Variants in CDH23 observed in about 807,000 individuals in gnomAD.
CDH23 encodes cadherin-23.
CDH23 carries 189 observed loss-of-function variants against 317.1 expected under a neutral mutation model. The observed-to-expected ratio is 0.60, with a 90% CI of 0.53 to 0.67. The LOEUF is 0.67. Ranked by LOEUF, CDH23 falls within the 30% of genes least tolerant of loss-of-function variation. The pLI is 0.00. For missense variants in CDH23, 4,401 were observed against 4,592.4 expected (o/e 0.96, Z 1.20); for synonymous variants, 1,839 against 1,876.8 (o/e 0.98, Z 0.52).
rs2133017450 is a variant in CDH23, at chr10:71,815,104, C to G, written c.9891C>G (p.Leu3297=). The G allele has an allele frequency of 6.2e-7, 1 of 1,611,212 alleles. No individual in the cohort carries two copies. The highest frequency in any genetic ancestry group is 1.7e-5 in the Admixed American group (1 of 59,760). ...CGGGCACGCTGCTGGCCACCGACCT[C>G]AACAGCCTGCCCGAGGAAGACCAGA... ...GSTGTLLATD[L]NSLPEEDQKG... is the part of the protein sequence containing the mutation. The change falls in exon 70 of 70, where the codon CTC becomes CTG. Residue 3297 remains leucine (L), a synonymous_variant. Transcript: ENST00000224721.
At position 71,675,193 on chromosome 10, in the gene CDH23, A is replaced by G; in HGVS notation, c.1514+17A>G. ...CCCTGACAGGTGAGACTCTGCCCACAGCCCCTCAGGCCCCTCCGCAGTGGT... is the reference window on the plus strand; with the variant it reads ...CCCTGACAGGTGAGACTCTGCCCACGGCCCCTCAGGCCCCTCCGCAGTGGT... On this transcript the variant is annotated intron_variant, in intron 15 of 69. Transcript: ENST00000224721. The G allele has an allele frequency of 1.9e-6, 3 of 1,610,790 alleles. No individual in the cohort carries two copies. The highest frequency in any genetic ancestry group is 2.5e-6 in the Non-Finnish European group (3 of 1,177,036).
At chr10:71,743,401 C>G (rs1325716929) in intron 38 of CDH23, among the ~76,000 whole-genome samples, 1 of 152,140 alleles carries the variant, frequency 6.6e-6, no homozygotes, top group East Asian at 1.9e-4. Flanking sequence ...TTGTCTGGAG[C>G]TTCTCTGGAG....
In CDH23 at chr10:71,784,929, C is replaced by T. The variant is rs148632119; in HGVS notation, c.5541C>T (p.Asn1847=). The T allele has an allele frequency of 1.7e-3, 2,718 of 1,614,072 alleles. 28 individuals are homozygous for T. The highest frequency in any genetic ancestry group is 0.017 in the South Asian group (1,529 of 91,078). Residue 1847 remains asparagine, a synonymous_variant, in exon 43 of 70, where the codon AAC becomes AAT. Coordinates refer to ENST00000224721, the MANE Select transcript of CDH23 (RefSeq NM_022124.6). ...TCCGGGTGCTGGACATCAACGACAA[C>T]GACCCTGTGCTGCTGAACCTGCCCA... ...VGIRVLDIND[N]DPVLLNLPMN...
At chr10:71,491,476 C>T (rs933356873) in intron 3 of CDH23, among the ~76,000 whole-genome samples, 2 of 152,130 alleles carry the variant, frequency 1.3e-5, no homozygotes, top group African/African-American at 2.4e-5. Context: ...GACCTGTTTA[C>T]GAGGTAAGAG....
chr10:71,553,054 CT>C (rs1856684362), intron 6 of CDH23, among the ~76,000 whole-genome samples: 1 of 152,172 alleles, frequency 6.6e-6, no homozygotes, highest in Non-Finnish European at 1.5e-5. Context: ...CCCACCTTGG[CT>C]GTACATGAGA....
At chr10:71,697,205 C>A (rs1392355670) in intron 22 of CDH23, among the ~76,000 whole-genome samples, 1 of 152,236 alleles carries the variant, frequency 6.6e-6, no homozygotes, top group East Asian at 1.9e-4. Context: ...GGTCCCCCCG[C>A]CCTTCACCAG....
chr10:71,630,720 C>T (rs529276213), intron 11 of CDH23, among the ~76,000 whole-genome samples: 3 of 152,278 alleles, frequency 2.0e-5, no homozygotes, highest in Non-Finnish European at 4.4e-5. Context: ...AGATACCTAG[C>T]GAGCAGCTCC....
chr10:71,578,730 A>G (rs541160577), intron 9 of CDH23, among the ~76,000 whole-genome samples: 79 of 152,120 alleles, frequency 5.2e-4, no homozygotes, highest in Middle Eastern at 3.4e-3. Flanking sequence ...CCCCCCATAC[A>G]TGCCATACAC....
chr10:71,552,818 C>T (rs143594903), intron 6 of CDH23, among the ~76,000 whole-genome samples: 3 of 152,304 alleles, frequency 2.0e-5, no homozygotes, highest in African/African-American at 7.2e-5. Context: ...CTCTTTCTTC[C>T]ACCCCATGCT....
chr10:71,420,071 CG>C (rs2131944657), intron 1 of CDH23, among the ~76,000 whole-genome samples: 1 of 152,188 alleles, frequency 6.6e-6, no homozygotes, highest in South Asian at 2.1e-4. Context: ...CTTTAAAAGG[CG>C]GGGGTTGACT....
intron 62 of CDH23, among the ~76,000 whole-genome samples, 175 bp downstream of exon 62, chr10:71,810,744 A>T (rs1229653990): frequency 6.6e-6 from 1 of 152,088 alleles, no homozygotes; most frequent in Non-Finnish European, 1.5e-5. Flanking sequence ...TGGGGGTATG[A>T]GCAACTCTGT....
intron 6 of CDH23, among the ~76,000 whole-genome samples, chr10:71,558,656 G>A (rs564764938): frequency 1.8e-4 from 28 of 152,250 alleles, no homozygotes; most frequent in African/African-American, 6.3e-4. Context: ...GTGAGTTCAC[G>A]TGTAGCTGCC....
chr10:71,598,336 A>C (rs1216127783), intron 9 of CDH23, among the ~76,000 whole-genome samples: 1 of 152,216 alleles, frequency 6.6e-6, no homozygotes, highest in Non-Finnish European at 1.5e-5. Flanking sequence ...AGCTTCCTCC[A>C]CAAGCAAAGA....
At position 71,674,933 on chromosome 10, in the gene CDH23, G is replaced by A. The variant is rs76975347; in HGVS notation, c.1450-179G>A. On this transcript the variant is annotated intron_variant, in intron 14 of 69. Transcript: ENST00000224721. The stretch of plus-strand genomic sequence containing the variant: ...GAGAGGCCAGTTTCTGTCCCACTCT[G>A]CTTCTGACCCGCTCCTAACCCAGAC... Among the ~76,000 whole-genome samples the A allele has an allele frequency of 0.016, 2,455 of 152,282 alleles. 80 individuals are homozygous for A. Among genetic ancestry groups the A allele is most frequent in the African/African-American group, 0.056 (2,345 of 41,532 alleles).
intron 9 of CDH23, among the ~76,000 whole-genome samples, chr10:71,582,014 C>A (rs111444401): frequency 6.6e-6 from 1 of 152,206 alleles, no homozygotes; most frequent in African/African-American, 2.4e-5. Flanking sequence ...CTGTGGTCCT[C>A]GCCCGTGGAA....
intron 14 of CDH23, among the ~76,000 whole-genome samples, chr10:71,659,823 G>A (rs1665692): frequency 0.36 from 54,339 of 152,026 alleles, 10,426 homozygotes; most frequent in South Asian, 0.55. Flanking sequence ...TGATGAGGAG[G>A]AGGAAGGTAG....
chr10:71,743,990 T>A (rs1839796356), intron 38 of CDH23, among the ~76,000 whole-genome samples: 1 of 152,206 alleles, frequency 6.6e-6, no homozygotes, highest in African/African-American at 2.4e-5. Context: ...GGCAGCTACT[T>A]CTGCCCTTTT....
Position 71,397,105 on chromosome 10 carries a change from C to T in CDH23, c.-219C>T. 1 of 174,240 alleles carries T rather than the reference C, an allele frequency of 5.7e-6. No homozygotes were observed. 10.8% of individuals were successfully genotyped at this position (174,240 alleles called of 1,614,324 possible). On this transcript the variant is annotated 5_prime_UTR_variant, in exon 1 of 70. Transcript: ENST00000224721. The surrounding 1 kb of genome is among the most constrained non-coding windows in gnomAD (Gnocchi z 4.8). Reference sequence around the variant, plus strand: ...ACGTTTGGGGCGCGCCCAGTCCGAGCCCCCGGCGCGCCTGAAGTTGCGAGC... The same window carrying T: ...ACGTTTGGGGCGCGCCCAGTCCGAGTCCCCGGCGCGCCTGAAGTTGCGAGC...
At chr10:71,472,436 C>T (rs78983679) in intron 3 of CDH23, among the ~76,000 whole-genome samples, 118 of 152,314 alleles carry the variant, frequency 7.7e-4, no homozygotes, top group African/African-American at 2.8e-3. Flanking sequence ...TGACCGATTC[C>T]CCACGTTAAA....
Sources: gnomAD v4.1 joint callset for allele counts (sites outside exome capture counted in the v4.1 genomes callset) on GRCh38, gnomAD v4.1.1 for gene constraint, Gnocchi (gnomAD v3.1) non-coding constraint, MANE v1.5 for transcripts, NCBI Gene and HGNC (gene_info 2026-07-23, HGNC 2026-07-21) for gene names.